Variants in NFIC observed in about 807,000 individuals in gnomAD.
NFIC encodes the protein nuclear factor I C.
A neutral mutation model predicts 54.4 loss-of-function variants in NFIC; 12 were observed. The observed-to-expected ratio is 0.22, with a 90% CI of 0.14 to 0.36. NFIC has a LOEUF of 0.36. Among genes scored for constraint, NFIC ranks in the 10% least tolerant of loss-of-function variants. The probability of loss-of-function intolerance (pLI) is 1.00; values close to 1 mark genes in which losing one functional copy is unlikely to be tolerated. For missense variants in NFIC, 575 were observed against 718.2 expected, an observed-to-expected ratio of 0.80 and a Z score of 2.28; for synonymous variants, 322 against 319.2, an observed-to-expected ratio of 1.01 and a Z score of -0.09.
Position 3,460,239 on chromosome 19 carries a change from G to A in NFIC, c.1510-2513G>A, listed in dbSNP as rs150785794. ...ACCTGTGACAGGATGGGCCCTGGAC[G>A]CCCAGGACAGTGCTCAGAAGATGCC... On this transcript the variant is annotated intron_variant, in intron 10 of 10. Transcript: ENST00000443272. Among the ~76,000 whole-genome samples, 533 of 152,288 alleles carry A rather than the reference G, an allele frequency of 3.5e-3. 3 individuals carry two copies. Among genetic ancestry groups the A allele is most frequent in the African/African-American group, 0.013 (522 of 41,556 alleles).
intron 4 of NFIC, 146 bp from the exon 5 acceptor site, chr19:3,434,131 C>T (rs1568179655): frequency 8.0e-7 from 1 of 1,250,562 alleles, no homozygotes; most frequent in Non-Finnish European, 1.1e-6. Context: ...TAGAATAAAA[C>T]TGGTTTCAGC....
chr19:3,464,754 C>A lies in NFIC; in HGVS notation c.*1985C>A. ...AGACCCAGGACCCTCCCCCATCACC[C>A]CCAAGAGAGGTTCGCCATCCTCTGG... On this transcript the variant is annotated 3_prime_UTR_variant, in exon 11 of 11. Coordinates refer to ENST00000443272, the MANE Select transcript of NFIC (RefSeq NM_001245002.2). 1 of 981,290 alleles carries A rather than the reference C, an allele frequency of 1.0e-6. No homozygotes were observed. 60.8% of individuals were successfully genotyped at this position (981,290 alleles called of 1,614,324 possible). A position where few individuals can be genotyped will look rare whatever the true frequency, so the allele number is the denominator to read the frequency against.
intron 6 of NFIC, among the ~76,000 whole-genome samples, chr19:3,440,892 T>C (rs1420470876): frequency 2.0e-5 from 3 of 152,144 alleles, no homozygotes; most frequent in African/African-American, 4.8e-5. Context: ...AGTGCAGTGG[T>C]GCGATCAGCG....
Position 3,467,984 on chromosome 19 carries a change from C to T in NFIC, c.*5215C>T, listed in dbSNP as rs914050750. ...CGTCAGACACTTCCTGAGAGTCTCA[C>T]CTTCAAAATGACACCGCTGCCCATC... On this transcript the variant is annotated 3_prime_UTR_variant, in exon 11 of 11. Coordinates refer to ENST00000443272, the MANE Select transcript of NFIC (RefSeq NM_001245002.2). 2.0e-5 allele frequency: 3 copies of T among 151,514 alleles called. No individual in the cohort carries two copies. The highest frequency in any genetic ancestry group is 7.3e-5 in the African/African-American group (3 of 41,114). The allele number at this position is 151,514 out of a possible 1,614,324, so 9.4% of individuals were successfully genotyped here.
chr19:3,362,996 T>A (rs1171605653), upstream of NFIC, among the ~76,000 whole-genome samples: 1 of 151,870 alleles, frequency 6.6e-6, no homozygotes, highest in African/African-American at 2.4e-5. Flanking sequence ...CCATTAGTGA[T>A]CATATGAAGA....
chr19:3,367,301 C>G (rs981367465), intron 1 of NFIC, among the ~76,000 whole-genome samples: 3 of 152,152 alleles, frequency 2.0e-5, no homozygotes, highest in African/African-American at 4.8e-5. Flanking sequence ...CTGGGTCCCC[C>G]CTCCTTTGCA....
chr19:3,368,586 C>G (rs971863029), intron 1 of NFIC, among the ~76,000 whole-genome samples: 1 of 152,174 alleles, frequency 6.6e-6, no homozygotes, highest in Non-Finnish European at 1.5e-5. Flanking sequence ...GACAGCGAGT[C>G]CCAAGTGCAG....
rs2082725986 is a variant in NFIC at position 3,467,104 on chromosome 19, T to C, written c.*4335T>C. On this transcript the variant is annotated 3_prime_UTR_variant, in exon 11 of 11. Transcript: ENST00000443272. Reference sequence around the variant, plus strand: ...GGAGGAGGGAGTGTTGGTTTTTTGTTTTTGTTTTTTTAACATGTATGAAAC... The same window carrying C: ...GGAGGAGGGAGTGTTGGTTTTTTGTCTTTGTTTTTTTAACATGTATGAAAC... 1 of 150,984 alleles carries C rather than the reference T, an allele frequency of 6.6e-6. No homozygotes were observed. The highest frequency in any genetic ancestry group is 2.1e-4 in the South Asian group (1 of 4,800). The allele number at this position is 150,984 out of a possible 1,614,324, so 9.4% of individuals were successfully genotyped here.
intron 6 of NFIC, among the ~76,000 whole-genome samples, chr19:3,437,696 G>GT (rs971481195): frequency 1.7e-3 from 228 of 132,398 alleles, no homozygotes; most frequent in Middle Eastern, 7.3e-3. Context: ...TTTGTTTTTT[G>GT]TTTTTTTTTT....
At chr19:3,462,416 A>G (rs1568204848) in intron 10 of NFIC, among the ~76,000 whole-genome samples, 1 of 152,230 alleles carries the variant, frequency 6.6e-6, no homozygotes, top group Non-Finnish European at 1.5e-5. Context: ...TATAAAATAC[A>G]GTTCCAGATA....
At chr19:3,423,241 G>A (rs1455744970) in intron 2 of NFIC, among the ~76,000 whole-genome samples, 1 of 151,858 alleles carries the variant, frequency 6.6e-6, no homozygotes, top group African/African-American at 2.4e-5. Context: ...AAGTAATAAT[G>A]GGGCGGACTC....
intron 2 of NFIC, among the ~76,000 whole-genome samples, chr19:3,403,820 TCCCGCCACCC>T (rs1212201845): frequency 6.7e-6 from 1 of 149,968 alleles, no homozygotes; most frequent in East Asian, 2.0e-4. Context: ...CTCCGCCTCC[TCCCGCCACCC>T]CCCGCCGCGC....
chr19:3,457,985 G>A (rs2082585907), intron 10 of NFIC: 1 of 152,320 alleles, frequency 6.6e-6, no homozygotes, highest in Non-Finnish European at 1.5e-5. Context: ...TGGGTCAGGG[G>A]CCAGGGCTCC....
At chr19:3,363,770 G>A (rs1161748892), upstream of NFIC, among the ~76,000 whole-genome samples, 1 of 152,232 alleles carries the variant, frequency 6.6e-6, no homozygotes, top group African/African-American at 2.4e-5. Flanking sequence ...AAGGACATTT[G>A]TGGTTGTCAC....
rs1453707685 is a variant in NFIC, at chr19:3,429,131, A to AT, written c.634+3954_634+3955insT. Among the ~76,000 whole-genome samples the AT allele has an allele frequency of 2.2e-3, 178 of 81,460 alleles. 3 individuals are homozygous for AT. The highest frequency in any genetic ancestry group is 9.0e-3 in the African/African-American group (170 of 18,918). 53.4% of individuals were successfully genotyped at this position (81,460 alleles called of 152,430 possible). A position where few individuals can be genotyped will look rare whatever the true frequency, so the allele number is the denominator to read the frequency against. The stretch of plus-strand genomic sequence containing the variant: ...AAGACCCTATCTCTACCCAAAAAAA[A>AT]AATATACACACACACACACACACAC... On this transcript the variant is annotated intron_variant, in intron 3 of 10. Transcript: ENST00000443272.
chr19:3,365,703 G>A (rs1419581035), upstream of NFIC, among the ~76,000 whole-genome samples: 2 of 152,138 alleles, frequency 1.3e-5, no homozygotes, highest in Non-Finnish European at 2.9e-5. Context: ...GGCTGCAAGG[G>A]TTTATCTGGC....
chr19:3,456,428 G>C (rs1382902176), intron 9 of NFIC, 122 bp from the exon 10 acceptor site: 1 of 907,976 alleles, frequency 1.1e-6, no homozygotes. Flanking sequence ...GGAGGCCCCA[G>C]GCACTGGGTG....
Position 3,464,874 on chromosome 19 carries a change from G to A in NFIC, c.*2105G>A, listed in dbSNP as rs570806292. 1.2e-4 allele frequency: 26 copies of A among 213,272 alleles called. No homozygotes were observed. The highest frequency in any genetic ancestry group is 1.0e-3 in the Admixed American group (16 of 15,344). 13.2% of individuals were successfully genotyped at this position (213,272 alleles called of 1,614,324 possible). ...AGCGTGGGCCGCTCTCCGGGAGGGC[G>A]GGCGGGGGAGGGGGTGGTCGGGTTG... On this transcript the variant is annotated 3_prime_UTR_variant, in exon 11 of 11. Coordinates refer to ENST00000443272, the MANE Select transcript of NFIC (RefSeq NM_001245002.2).
At position 3,465,430 on chromosome 19, in the gene NFIC, T is replaced by TAAAAAAAAAAAAAAAAAAAAAAAGAAAAA. The variant is rs2082705253; in HGVS notation, c.*2684_*2685insGAAAAAAAAAAAAAAAAAAAAAAAAAAAA. On this transcript the variant is annotated 3_prime_UTR_variant, in exon 11 of 11. Coordinates refer to ENST00000443272, the MANE Select transcript of NFIC (RefSeq NM_001245002.2). The stretch of plus-strand genomic sequence containing the variant: ...AATAAAAAATAAGAAAGTGAGAATC[T>TAAAAAAAAAAAAAAAAAAAAAAAGAAAAA]AAAAAAAAAAAAAAAAAAAAAAAAG... 1.6e-5 allele frequency: 1 copy of TAAAAAAAAAAAAAAAAAAAAAAAGAAAAA among 60,812 alleles called. No individual in the cohort carries two copies. The highest frequency in any genetic ancestry group is 5.9e-5 in the African/African-American group (1 of 17,088). 3.8% of individuals were successfully genotyped at this position (60,812 alleles called of 1,614,324 possible). A position where few individuals can be genotyped will look rare whatever the true frequency, so the allele number is the denominator to read the frequency against.
Sources: gnomAD v4.1 joint callset for allele counts (sites outside exome capture counted in the v4.1 genomes callset) on GRCh38, gnomAD v4.1.1 for gene constraint, MANE v1.5 for transcripts, NCBI Gene and HGNC (gene_info 2026-07-23, HGNC 2026-07-21) for gene names.